The following SH3BGRL variants were observed in gnomAD, a reference collection of about 807,000 sequenced individuals.
SH3BGRL encodes adapter SH3BGRL.
Under a neutral mutation model 9.8 loss-of-function variants are expected in SH3BGRL, and 7 were observed. That is an observed-to-expected ratio of 0.72 (90% CI 0.41 to 1.35). The LOEUF (loss-of-function observed/expected upper bound fraction) is 1.35, where lower values mean the gene tolerates loss of function less well. Ranked by LOEUF, SH3BGRL falls within the 40% of genes most tolerant of loss-of-function variation. SH3BGRL has a pLI of 0.01. For synonymous variants in SH3BGRL, 36 were observed against 29.1 expected (o/e 1.24, Z -0.76); for missense variants, 73 against 84.4 (o/e 0.86, Z 0.53).
rs757067367 is a variant in SH3BGRL at position 81,272,959 on chromosome X, A to G, written c.46-4025A>G. Among the ~76,000 whole-genome samples the G allele has an allele frequency of 2.7e-5, 3 of 111,780 alleles. No individual in the cohort carries two copies. In the East Asian group the frequency reaches 8.5e-4, roughly 32 times the overall value. On this transcript the variant is annotated intron_variant, in intron 1 of 3. Transcript: ENST00000373212. ...CCTGTTTGGAAAAAGACAAATACAC[A>G]TACACACCATGATTTATTTATAGAG...
intron 1 of SH3BGRL, among the ~76,000 whole-genome samples, chrX:81,261,781 A>T (rs1193264032): frequency 1.8e-5 from 2 of 111,366 alleles, no homozygotes; most frequent in Non-Finnish European, 3.8e-5. Context: ...GCCTCCCTGT[A>T]TTCAAATCCT....
chrX:81,207,158 G>GT (rs1159252836), intron 1 of SH3BGRL, among the ~76,000 whole-genome samples: 1 of 111,782 alleles, frequency 8.9e-6, no homozygotes, highest in Non-Finnish European at 1.9e-5. Context: ...TGGTTTGGGA[G>GT]TTTTTTCCCT....
chrX:81,254,389 A>T (rs377466070), intron 1 of SH3BGRL, among the ~76,000 whole-genome samples: 1 of 111,504 alleles, frequency 9.0e-6, no homozygotes, highest in Non-Finnish European at 1.9e-5. Context: ...GCTTTCTGGT[A>T]TGTTCATCTG....
intron 1 of SH3BGRL, among the ~76,000 whole-genome samples, chrX:81,207,193 A>G (rs1014374308): frequency 8.0e-5 from 9 of 112,160 alleles, no homozygotes; most frequent in African/African-American, 2.9e-4. Flanking sequence ...AAGACCCATA[A>G]TGATCTCCAT....
intron 1 of SH3BGRL, among the ~76,000 whole-genome samples, chrX:81,242,341 C>T (rs2075672792): frequency 8.9e-6 from 1 of 111,809 alleles, no homozygotes. Flanking sequence ...ATTAATGGTG[C>T]TGGAAAACTG....
At position 81,231,969 on chromosome X, in the gene SH3BGRL, T is replaced by C. The variant is rs187365354; in HGVS notation, c.45+29724T>C. Reference sequence around the variant, plus strand: ...TTTTATGTGTTTCTCTCTATATATATACACACACACGTATATGTATATGTT... The same window carrying C: ...TTTTATGTGTTTCTCTCTATATATACACACACACACGTATATGTATATGTT... On this transcript the variant is annotated intron_variant, in intron 1 of 3. Coordinates refer to ENST00000373212, the MANE Select transcript of SH3BGRL (RefSeq NM_003022.3). Among the ~76,000 whole-genome samples, 384 of 111,214 alleles carry C rather than the reference T, an allele frequency of 3.5e-3. 1 individual carries two copies. The highest frequency in any genetic ancestry group is 9.7e-3 in the African/African-American group (296 of 30,663).
chrX:81,248,953 C>T lies in SH3BGRL; in HGVS notation c.46-28031C>T, dbSNP rs775740606. Among the ~76,000 whole-genome samples, 24 of 111,581 alleles carry T rather than the reference C, an allele frequency of 2.2e-4. No individual in the cohort carries two copies. In the East Asian group the frequency reaches 6.3e-3, roughly 29 times the overall value. On this transcript the variant is annotated intron_variant, in intron 1 of 3. Transcript: ENST00000373212. ...TATCAGCTGTATGCCATCACAGGGG[C>T]TTTGCTGACATTCTTCTCCCAAGGA...
chrX:81,243,948 G>A (rs1400459088), intron 1 of SH3BGRL, among the ~76,000 whole-genome samples: 1 of 111,394 alleles, frequency 9.0e-6, no homozygotes, highest in African/African-American at 3.3e-5. Flanking sequence ...CAGTATTATT[G>A]TTAATACACC....
rs2075880057 is a variant in SH3BGRL at position 81,297,660 on chromosome X, T to G, written c.*433T>G. 8.8e-6 allele frequency: 1 copy of G among 113,198 alleles called. No homozygotes were observed. Among genetic ancestry groups the G allele is most frequent in the African/African-American group, 3.2e-5 (1 of 30,896 alleles). 9.3% of individuals were successfully genotyped at this position (113,198 alleles called of 1,213,427 possible). A position where few individuals can be genotyped will look rare whatever the true frequency, so the allele number is the denominator to read the frequency against. On this transcript the variant is annotated 3_prime_UTR_variant, in exon 4 of 4. Coordinates refer to ENST00000373212, the MANE Select transcript of SH3BGRL (RefSeq NM_003022.3). ...TCATGAACAAGAATATGTACCTTTTTGATGCTATATTACTGCGATTAAAAA... is the reference window on the plus strand; with the variant it reads ...TCATGAACAAGAATATGTACCTTTTGGATGCTATATTACTGCGATTAAAAA...
intron 1 of SH3BGRL, among the ~76,000 whole-genome samples, chrX:81,211,618 G>A (rs2075564933): frequency 1.8e-5 from 2 of 111,230 alleles, no homozygotes; most frequent in South Asian, 7.5e-4. Flanking sequence ...GTTGGGGAAG[G>A]CAGATCCACC....
At chrX:81,262,622 T>G (rs1368860607) in intron 1 of SH3BGRL, among the ~76,000 whole-genome samples, 1 of 111,387 alleles carries the variant, frequency 9.0e-6, no homozygotes, top group Admixed American at 9.5e-5. Flanking sequence ...GCTGATGAAA[T>G]CCAAATAGGC....
intron 1 of SH3BGRL, among the ~76,000 whole-genome samples, chrX:81,239,807 A>G (rs1053550590): frequency 2.7e-5 from 3 of 112,386 alleles, no homozygotes; most frequent in African/African-American, 9.7e-5. Context: ...TGGAGCTCCA[A>G]TGCATCTGGC....
chrX:81,250,592 A>G (rs1193995998), intron 1 of SH3BGRL, among the ~76,000 whole-genome samples: 1 of 111,507 alleles, frequency 9.0e-6, no homozygotes, highest in Non-Finnish European at 1.9e-5. Flanking sequence ...AGTTGATGAA[A>G]TTATGCCTTC....
chrX:81,225,187 A>AT (rs924369432), intron 1 of SH3BGRL, among the ~76,000 whole-genome samples: 2 of 110,921 alleles, frequency 1.8e-5, no homozygotes, highest in Non-Finnish European at 3.8e-5. Context: ...AAAAGCATTA[A>AT]TTTTTTCTTT....
intron 3 of SH3BGRL, among the ~76,000 whole-genome samples, chrX:81,293,177 T>A (rs1230267622): frequency 8.9e-6 from 1 of 112,260 alleles, no homozygotes; most frequent in Non-Finnish European, 1.9e-5. Context: ...TGCTTTTGCA[T>A]CTTTCTCATT....
At chrX:81,228,390 G>C in intron 1 of SH3BGRL, among the ~76,000 whole-genome samples, 1 of 112,003 alleles carries the variant, frequency 8.9e-6, no homozygotes, top group Non-Finnish European at 1.9e-5. Context: ...GCAATTGATT[G>C]AAAGAGTTAC....
chrX:81,269,971 C>A (rs1404748404), intron 1 of SH3BGRL, among the ~76,000 whole-genome samples: 2 of 110,178 alleles, frequency 1.8e-5, no homozygotes, highest in Non-Finnish European at 3.8e-5. Flanking sequence ...TTAATTTGAT[C>A]TTCAGTCAGT....
intron 1 of SH3BGRL, among the ~76,000 whole-genome samples, chrX:81,244,084 TA>T (rs2075680561): frequency 8.9e-6 from 1 of 112,120 alleles, no homozygotes; most frequent in Non-Finnish European, 1.9e-5. Flanking sequence ...TTTATTGAGT[TA>T]TTTTTTTTCT....
intron 3 of SH3BGRL, among the ~76,000 whole-genome samples, chrX:81,285,072 A>G (rs971054713): frequency 9.0e-6 from 1 of 111,059 alleles, no homozygotes; most frequent in Non-Finnish European, 1.9e-5. Flanking sequence ...GAATTTTGGT[A>G]TTTAATAGGT....
Sources: gnomAD v4.1 joint callset for allele counts (sites outside exome capture counted in the v4.1 genomes callset) on GRCh38, gnomAD v4.1.1 for gene constraint, MANE v1.5 for transcripts, NCBI Gene and HGNC (gene_info 2026-07-23, HGNC 2026-07-21) for gene names.